TTC38: variants seen among roughly 807,000 people sequenced by gnomAD.
TTC38 encodes tetratricopeptide repeat domain 38, also known as tetratricopeptide repeat protein 38.
TTC38 carries 64 observed loss-of-function variants against 64.2 expected under a neutral mutation model. The ratio of observed to expected loss-of-function variants is 1.00; its 90% CI spans 0.81 to 1.23. TTC38 has a LOEUF of 1.23. Ranked by LOEUF, TTC38 falls within the 50% of genes most tolerant of loss-of-function variation. The pLI, the probability that TTC38 is intolerant of heterozygous loss-of-function variation, is 0.00. For missense variants in TTC38, 573 were observed against 615.5 expected (o/e 0.93, Z 0.73); for synonymous variants, 254 against 249.3 (o/e 1.02, Z -0.18).
chr22:46,292,679 C>T lies in TTC38; in HGVS notation c.1317-112C>T. 3.1e-6 allele frequency: 3 copies of T among 966,036 alleles called. No individual in the cohort carries two copies. The highest frequency in any genetic ancestry group is 2.8e-5 in the South Asian group (2 of 70,988). The allele number at this position is 966,036 out of a possible 1,614,324, so 59.8% of individuals were successfully genotyped here. On this transcript the variant is annotated intron_variant, in intron 13 of 13. Transcript: ENST00000381031. The surrounding 1 kb of genome is among the most constrained non-coding windows in gnomAD (Gnocchi z 6.5). ...CCCTGGGCCTTGGCCCTTGCTGTTC[C>T]CTCAGTGCCGCAGTCTAGCCTGCCT... is the stretch of plus-strand genomic sequence containing the variant.
Position 46,274,873 on chromosome 22 carries a change from T to C in TTC38, c.366-375T>C, listed in dbSNP as rs1936973817. Among the ~76,000 whole-genome samples, 1 of 152,228 alleles carries C rather than the reference T, an allele frequency of 6.6e-6. No individual in the cohort carries two copies. The highest frequency in any genetic ancestry group is 2.1e-4 in the South Asian group (1 of 4,834). ...AGAGTTTTGCTCTTGTCGCCCAGGC[T>C]GGAATGCAGTGGCGCAATCTCGGCT... On this transcript the variant is annotated intron_variant, in intron 4 of 13. Transcript: ENST00000381031. The surrounding 1 kb of genome is among the most constrained non-coding windows in gnomAD (Gnocchi z 4.8).
intron 10 of TTC38, 82 bp downstream of exon 10, chr22:46,287,236 T>A: frequency 7.5e-7 from 1 of 1,327,010 alleles, no homozygotes; most frequent in Middle Eastern, 1.9e-4. Flanking sequence ...AGGCCCAGGG[T>A]TGGGCAAGAG....
intron 5 of TTC38, among the ~76,000 whole-genome samples, chr22:46,278,342 G>A (rs954149949): frequency 2.6e-5 from 4 of 152,232 alleles, no homozygotes; most frequent in African/African-American, 7.2e-5. Context: ...TTTACCTGCC[G>A]CCTTCCCTCG....
Position 46,272,232 on chromosome 22 carries a change from C to T in TTC38, c.112-103C>T. 1.2e-6 allele frequency: 1 copy of T among 841,086 alleles called. No individual in the cohort carries two copies. Among genetic ancestry groups the T allele is most frequent in the Non-Finnish European group, 2.0e-6 (1 of 509,048 alleles). 52.1% of individuals were successfully genotyped at this position (841,086 alleles called of 1,614,324 possible). A position where few individuals can be genotyped will look rare whatever the true frequency, so the allele number is the denominator to read the frequency against. On this transcript the variant is annotated intron_variant, in intron 2 of 13. Transcript: ENST00000381031. This position sits in a 1 kb window ranked among gnomAD's most constrained non-coding sequence, Gnocchi z 6.4. ...TCTCGAACTCCTGACCTCAGATGTT[C>T]TGCCCGCCTCGGCCTCCCAAAGTGT...
At chr22:46,269,615 C>G (rs1369045380) in intron 2 of TTC38, among the ~76,000 whole-genome samples, 2 of 152,210 alleles carry the variant, frequency 1.3e-5, no homozygotes, top group Admixed American at 6.5e-5. Flanking sequence ...CTCTTAGAAG[C>G]CTACGGGCTG....
chr22:46,275,015 G>A lies in TTC38; in HGVS notation c.366-233G>A, dbSNP rs1936977054. 6.6e-6 allele frequency among the ~76,000 whole-genome samples: 1 copy of A among 152,088 alleles called. No individual in the cohort carries two copies. On this transcript the variant is annotated intron_variant, in intron 4 of 13. Transcript: ENST00000381031. The surrounding 1 kb of genome is among the most constrained non-coding windows in gnomAD (Gnocchi z 4.5). ...TTTTTGTATTTTTAGTAGAGATGGGGTTTCACCATCTTGGCCAGGCTGGTC... is the reference window on the plus strand; with the variant it reads ...TTTTTGTATTTTTAGTAGAGATGGGATTTCACCATCTTGGCCAGGCTGGTC...
At chr22:46,289,992 G>C (rs767713595) in intron 13 of TTC38, 93 bp downstream of exon 13, 9 of 1,118,166 alleles carry the variant, frequency 8.0e-6, no homozygotes, top group Non-Finnish European at 1.1e-5. Context: ...CCCTTGGCCC[G>C]AGATGCTCCT....
intron 11 of TTC38, among the ~76,000 whole-genome samples, chr22:46,289,174 G>C (rs1465770701): frequency 2.0e-5 from 3 of 152,204 alleles, no homozygotes; most frequent in African/African-American, 7.2e-5. Context: ...AACTGAGGCT[G>C]GAAGGTGGGG....
Position 46,270,252 on chromosome 22 carries a change from T to C in TTC38, c.111+1661T>C, listed in dbSNP as rs972057978. 5.9e-5 allele frequency among the ~76,000 whole-genome samples: 9 copies of C among 152,184 alleles called. No homozygotes were observed. Among genetic ancestry groups the C allele is most frequent in the South Asian group, 2.1e-4 (1 of 4,830 alleles). On this transcript the variant is annotated intron_variant, in intron 2 of 13. Coordinates refer to ENST00000381031, the MANE Select transcript of TTC38 (RefSeq NM_017931.4). This position sits in a 1 kb window ranked among gnomAD's most constrained non-coding sequence, Gnocchi z 4.7. ...CCAACCCTCCTGTATCTTGTCAAAA[T>C]GCTTGCGTAGCTTATAGTCTCAGCT...
chr22:46,285,497 G>A (rs1308578878), intron 9 of TTC38, among the ~76,000 whole-genome samples: 2 of 152,036 alleles, frequency 1.3e-5, no homozygotes, highest in Admixed American at 6.6e-5. Context: ...TCAACTCGAG[G>A]GTGCTGATAG....
intron 1 of TTC38, 119 bp downstream of exon 1, chr22:46,268,191 C>G (rs1194860758): frequency 5.3e-6 from 6 of 1,134,834 alleles, no homozygotes; most frequent in Non-Finnish European, 6.1e-6. Context: ...GAGCCCTGGG[C>G]GCACGGGCGC....
chr22:46,277,237 C>T (rs573945706), intron 5 of TTC38, among the ~76,000 whole-genome samples: 10 of 152,196 alleles, frequency 6.6e-5, no homozygotes, highest in Non-Finnish European at 8.8e-5. Flanking sequence ...CACTTAACCC[C>T]GAGAAACCAC....
Position 46,282,347 on chromosome 22 carries a change from G to A in TTC38, c.735+629G>A, listed in dbSNP as rs2077541292. ...CTCTTTCCAGGGGAGGCAAGGTGGT[G>A]TCCAGGCAGAGGCAGAAACGCCTGC... On this transcript the variant is annotated intron_variant, in intron 7 of 13. Transcript: ENST00000381031. This position sits in a 1 kb window ranked among gnomAD's most constrained non-coding sequence, Gnocchi z 4.4. Among the ~76,000 whole-genome samples the A allele has an allele frequency of 6.6e-6, 1 of 152,184 alleles. No individual in the cohort carries two copies. Among genetic ancestry groups the A allele is most frequent in the African/African-American group, 2.4e-5 (1 of 41,434 alleles).
chr22:46,292,738 C>CCCA lies in TTC38; in HGVS notation c.1317-51_1317-49dup. 10 of 1,515,144 alleles carry CCCA rather than the reference C, an allele frequency of 6.6e-6. No individual in the cohort carries two copies. The highest frequency in any genetic ancestry group is 9.2e-6 in the Non-Finnish European group (10 of 1,092,222). The allele number at this position is 1,515,144 out of a possible 1,614,324, so 93.9% of individuals were successfully genotyped here. On this transcript the variant is annotated intron_variant, in intron 13 of 13. Coordinates refer to ENST00000381031, the MANE Select transcript of TTC38 (RefSeq NM_017931.4). The surrounding 1 kb of genome is among the most constrained non-coding windows in gnomAD (Gnocchi z 6.5). ...CCTTGGGACCAAGGGACCACCAGGCCCCACATCCCTCTAGAAGGTTCTGTA... is the reference window on the plus strand; with the variant it reads ...CCTTGGGACCAAGGGACCACCAGGCCCCACCACATCCCTCTAGAAGGTTCTGTA...
At position 46,282,937 on chromosome 22, in the gene TTC38, G is replaced by GT. The variant is rs977474266; in HGVS notation, c.736-1027dup. The stretch of plus-strand genomic sequence containing the variant: ...TTGATCTCTGCAGGTTTTTGTTTTT[G>GT]TTTTTTTTTGAGACAAGTTCTCTCT... On this transcript the variant is annotated intron_variant, in intron 7 of 13. Transcript: ENST00000381031. The surrounding 1 kb of genome is among the most constrained non-coding windows in gnomAD (Gnocchi z 4.4). Among the ~76,000 whole-genome samples the GT allele has an allele frequency of 2.1e-4, 32 of 150,776 alleles. No homozygotes were observed. The highest frequency in any genetic ancestry group is 4.4e-4 in the African/African-American group (18 of 41,096).
At chr22:46,280,794 G>T (rs975275290) in intron 6 of TTC38, among the ~76,000 whole-genome samples, 1 of 152,350 alleles carries the variant, frequency 6.6e-6, no homozygotes, top group South Asian at 2.1e-4. Context: ...GGGAGACTGA[G>T]GCAGTGGGGC....
rs756509394 is a variant in TTC38 at position 46,274,015 on chromosome 22, C to T, written c.311C>T (p.Pro104Leu). ...KTMVEISRTQ[P>L]LTRREQLHVS... ...ATGGTGGAGATTTCAAGAACCCAGC[C>T]GCTGACAAGGCGGGAGCAGCTGCAC... The change falls in exon 4 of 14, where the codon CCG (proline) becomes CTG (leucine). Residue 104 changes from proline to leucine, a missense_variant. Coordinates refer to ENST00000381031, the MANE Select transcript of TTC38 (RefSeq NM_017931.4). This position sits in a 1 kb window ranked among gnomAD's most constrained non-coding sequence, Gnocchi z 4.8. 112 of 1,614,086 alleles carry T rather than the reference C, an allele frequency of 6.9e-5. No homozygotes were observed. Among genetic ancestry groups the T allele is most frequent in the Admixed American group, 2.7e-4 (16 of 60,008 alleles).
intron 13 of TTC38, among the ~76,000 whole-genome samples, chr22:46,290,486 G>C (rs6008547): frequency 0.11 from 14,837 of 130,066 alleles, 1,855 homozygotes; most frequent in African/African-American, 0.31. Context: ...GGCGTGGCTG[G>C]AGGGTGAGTG....
In TTC38 at chr22:46,274,039, A is replaced by G; in HGVS notation, c.335A>G (p.His112Arg). The change falls in exon 4 of 14, where the codon CAC becomes CGC. Residue 112 changes from histidine to arginine, a missense_variant. By Grantham distance (29) the His-to-Arg change is conservative. Around this residue, in one of 3 missense-constraint regions of TTC38, gnomAD observed 68 missense variants for 107.3 expected, o/e 0.63. Coordinates refer to ENST00000381031, the MANE Select transcript of TTC38 (RefSeq NM_017931.4). The surrounding 1 kb of genome is among the most constrained non-coding windows in gnomAD (Gnocchi z 4.8). ...CCGCTGACAAGGCGGGAGCAGCTGC[A>G]CGTGTCTGCAGTAGAGACATTTGCC... Reference protein sequence around the residue: ...TQPLTRREQLHVSAVETFANG... With the variant: ...TQPLTRREQLRVSAVETFANG... 6.2e-7 allele frequency: 1 copy of G among 1,610,080 alleles called. No homozygotes were observed. The highest frequency in any genetic ancestry group is 8.5e-7 in the Non-Finnish European group (1 of 1,177,400).
Sources: gnomAD v4.1 joint callset for allele counts (sites outside exome capture counted in the v4.1 genomes callset) on GRCh38, gnomAD v4.1.1 for gene constraint, gnomAD v4.1.1 regional missense constraint, Gnocchi (gnomAD v3.1) non-coding constraint, MANE v1.5 for transcripts, NCBI Gene and HGNC (gene_info 2026-07-23, HGNC 2026-07-21) for gene names.